MARCHF8: variants seen among roughly 807,000 people sequenced by gnomAD.
MARCHF8 encodes E3 ubiquitin-protein ligase MARCHF8.
MARCHF8 carries 40 observed loss-of-function variants against 51.6 expected under a neutral mutation model. The observed-to-expected ratio is 0.77, with a 90% confidence interval of 0.60 to 1.01. The LOEUF is 1.01. Ranked by LOEUF, MARCHF8 falls within the 50% of genes least tolerant of loss-of-function variation. MARCHF8 has a pLI of 0.00. For missense variants in MARCHF8, 685 were observed against 708.6 expected (o/e 0.97, Z 0.38); for synonymous variants, 263 against 280.3 (o/e 0.94, Z 0.62).
intron 2 of MARCHF8, among the ~76,000 whole-genome samples, chr10:45,518,464 A>G (rs563160628): frequency 5.9e-5 from 9 of 152,192 alleles, no homozygotes; most frequent in African/African-American, 2.2e-4. Context: ...TCAACAACCT[A>G]CCTGCCTGCA....
chr10:45,531,202 C>A (rs897036669), intron 2 of MARCHF8, among the ~76,000 whole-genome samples: 3 of 152,092 alleles, frequency 2.0e-5, no homozygotes, highest in Non-Finnish European at 4.4e-5. Context: ...GAAAAAGTAT[C>A]TGAAGAATAG....
intron 1 of MARCHF8, among the ~76,000 whole-genome samples, chr10:45,580,327 G>T (rs1042429470): frequency 6.6e-6 from 1 of 151,998 alleles, no homozygotes; most frequent in Non-Finnish European, 1.5e-5. Context: ...AATTCATAAA[G>T]CTCAGAACAG....
At position 45,572,639 on chromosome 10, in the gene MARCHF8, C is replaced by T. The variant is rs550213118; in HGVS notation, c.-79+21596G>A. On this transcript the variant is annotated intron_variant, in intron 1 of 6. Coordinates refer to the MARCHF8 transcript ENST00000319836. Reference sequence around the variant, plus strand: ...CATTCTTTTACACATCGGTCCATCCCTAGTCTCTGTTCCCCAATGCAACTC... The same window carrying T: ...CATTCTTTTACACATCGGTCCATCCTTAGTCTCTGTTCCCCAATGCAACTC... 3.9e-5 allele frequency among the ~76,000 whole-genome samples: 6 copies of T among 152,192 alleles called. No homozygotes were observed. The South Asian group carries it at 1.0e-3, about 26-fold the overall frequency.
intron 3 of MARCHF8, among the ~76,000 whole-genome samples, chr10:45,487,319 C>G (rs1459670597): frequency 6.6e-6 from 1 of 152,084 alleles, no homozygotes; most frequent in African/African-American, 2.4e-5. Flanking sequence ...AAGAAGTTTC[C>G]TTTAAATAAA....
At chr10:45,477,856 C>G (rs2042814800) in intron 3 of MARCHF8, among the ~76,000 whole-genome samples, 1 of 152,138 alleles carries the variant, frequency 6.6e-6, no homozygotes. Flanking sequence ...ATTAATTCAT[C>G]AAGAGGCTAT....
At chr10:45,513,728 A>G (rs1441283061) in intron 2 of MARCHF8, among the ~76,000 whole-genome samples, 1 of 151,554 alleles carries the variant, frequency 6.6e-6, no homozygotes, top group African/African-American at 2.4e-5. Flanking sequence ...GCAACACTGG[A>G]ACAGCCCTGC....
intron 3 of MARCHF8, among the ~76,000 whole-genome samples, chr10:45,473,819 A>G (rs1433296712): frequency 1.3e-5 from 2 of 152,166 alleles, no homozygotes; most frequent in Non-Finnish European, 2.9e-5. Flanking sequence ...CATGAGAGCC[A>G]TCACCCCCAG....
intron 1 of MARCHF8, among the ~76,000 whole-genome samples, chr10:45,565,844 G>A (rs909023391): frequency 7.2e-5 from 11 of 152,122 alleles, no homozygotes; most frequent in Non-Finnish European, 1.0e-4. Flanking sequence ...TTAGTCAGCT[G>A]AGCAATACAT....
At chr10:45,591,520 T>G (rs955903834) in intron 1 of MARCHF8, among the ~76,000 whole-genome samples, 5 of 151,894 alleles carry the variant, frequency 3.3e-5, no homozygotes, top group African/African-American at 1.2e-4. Flanking sequence ...GACACAGAAT[T>G]CAGCATGCTG....
chr10:45,589,714 G>A (rs1011277393), intron 1 of MARCHF8, among the ~76,000 whole-genome samples: 2 of 152,040 alleles, frequency 1.3e-5, no homozygotes, highest in African/African-American at 4.8e-5. Flanking sequence ...ATGTTTTCAA[G>A]GTTCATCCAT....
intron 1 of MARCHF8, among the ~76,000 whole-genome samples, chr10:45,593,045 C>A (rs2044698999): frequency 6.6e-6 from 1 of 151,712 alleles, no homozygotes; most frequent in African/African-American, 2.4e-5. Context: ...TCAGCAGAAA[C>A]TGAGAACCAA....
At chr10:45,510,588 A>AT in intron 2 of MARCHF8, among the ~76,000 whole-genome samples, 1 of 152,298 alleles carries the variant, frequency 6.6e-6, no homozygotes, top group African/African-American at 2.4e-5. Context: ...AACTAAGGTA[A>AT]TTTATTTAAA....
intron 1 of MARCHF8, among the ~76,000 whole-genome samples, chr10:45,552,862 T>C (rs942994437): frequency 9.2e-5 from 14 of 152,360 alleles, no homozygotes; most frequent in African/African-American, 3.4e-4. Flanking sequence ...ATGTCAGTTG[T>C]ACTCATTCTG....
At position 45,455,925 on chromosome 10, in the gene MARCHF8, C is replaced by G. The variant is rs1842589860; in HGVS notation, c.*2314G>C. On this transcript the variant is annotated 3_prime_UTR_variant, in exon 8 of 8. Coordinates refer to ENST00000453424, the MANE Select transcript of MARCHF8 (RefSeq NM_001282866.2). Reference sequence around the variant, plus strand: ...GATACAGGGCTCAGTTATCAAGGCACCTTTGCCATAGTGGGGTGCCAGCTA... The same window carrying G: ...GATACAGGGCTCAGTTATCAAGGCAGCTTTGCCATAGTGGGGTGCCAGCTA... 1 of 152,272 alleles carries G rather than the reference C, an allele frequency of 6.6e-6. No homozygotes were observed. Among genetic ancestry groups the G allele is most frequent in the Non-Finnish European group, 1.5e-5 (1 of 68,092 alleles). 9.4% of individuals were successfully genotyped at this position (152,272 alleles called of 1,614,324 possible).
intron 6 of MARCHF8, chr10:45,459,747 T>A (rs1362664069): frequency 1.0e-6 from 1 of 985,326 alleles, no homozygotes; most frequent in African/African-American, 1.7e-5. Flanking sequence ...CACTCTTTGG[T>A]CCTTGCTACT....
chr10:45,576,739 C>CA (rs1203146099), intron 1 of MARCHF8, among the ~76,000 whole-genome samples: 2 of 147,320 alleles, frequency 1.4e-5, no homozygotes, highest in South Asian at 4.3e-4. Context: ...CTGGACAACA[C>CA]AGTGAGGCTT....
intron 2 of MARCHF8, among the ~76,000 whole-genome samples, chr10:45,504,855 T>A (rs747148375): frequency 6.6e-6 from 1 of 152,210 alleles, no homozygotes; most frequent in Non-Finnish European, 1.5e-5. Context: ...AGCACTAGTA[T>A]TTCCCTTACT....
chr10:45,505,883 C>A lies in MARCHF8; in HGVS notation c.103-16466G>T, dbSNP rs138138894. Among the ~76,000 whole-genome samples, 749 of 152,314 alleles carry A rather than the reference C, an allele frequency of 4.9e-3. 10 individuals carry two copies. Among genetic ancestry groups the A allele is most frequent in the African/African-American group, 0.017 (706 of 41,580 alleles). On this transcript the variant is annotated intron_variant, in intron 2 of 7. Transcript: ENST00000453424. ...GAAGAGAGCAACTCTTTGACACGGA[C>A]TGATGAGTTTTATAATTCTGTATTT...
At chr10:45,546,737 G>A (rs1029345528) in intron 1 of MARCHF8, among the ~76,000 whole-genome samples, 15 of 149,784 alleles carry the variant, frequency 1.0e-4, no homozygotes, top group African/African-American at 3.2e-4. Flanking sequence ...AGCCAAGATT[G>A]TACCACTACA....
Sources: allele counts gnomAD v4.1 joint callset (sites outside exome capture counted in the v4.1 genomes callset), GRCh38; gene constraint gnomAD v4.1.1; transcripts MANE v1.5; gene names NCBI Gene and HGNC (gene_info 2026-07-23, HGNC 2026-07-21).